Variants in DNAH2 observed in about 807,000 individuals in gnomAD.
The protein encoded by DNAH2 is axonemal beta dynein heavy chain 2.
In DNAH2, 323 loss-of-function variants were observed where a neutral mutation model predicts 523.5. The observed-to-expected ratio is 0.62, with a 90% confidence interval of 0.56 to 0.68. The LOEUF (loss-of-function observed/expected upper bound fraction) is 0.68, where lower values mean the gene tolerates loss of function less well. DNAH2 is among the 30% of genes least tolerant of loss of function. DNAH2 has a pLI of 0.00. For synonymous variants in DNAH2, 2,093 were observed against 2,177.4 expected (o/e 0.96, Z 1.08); for missense variants, 4,907 against 5,701.5 (o/e 0.86, Z 4.49).
At chr17:7,823,654 C>T (rs2077930558) in intron 74 of DNAH2, 26 bp downstream of exon 74, 1 of 1,608,682 alleles carries the variant, frequency 6.2e-7, no homozygotes, top group Admixed American at 1.7e-5. Flanking sequence ...GTCCCACTCT[C>T]ACTTTTCTCC....
chr17:7,751,696 C>T (rs2075687652), intron 12 of DNAH2, among the ~76,000 whole-genome samples: 1 of 152,128 alleles, frequency 6.6e-6, no homozygotes, highest in Non-Finnish European at 1.5e-5. Flanking sequence ...TATTCATGTG[C>T]AGGAACCAAA....
At chr17:7,757,357 T>A (rs2075873169) in intron 13 of DNAH2, 120 bp downstream of exon 13, 5 of 1,277,266 alleles carry the variant, frequency 3.9e-6, no homozygotes, top group Non-Finnish European at 4.2e-6. Flanking sequence ...CTTTTCCATC[T>A]CAAAAAAAAA....
intron 35 of DNAH2, 42 bp downstream of exon 35, chr17:7,778,511 C>G (rs779190120): frequency 6.5e-6 from 10 of 1,538,024 alleles, no homozygotes; most frequent in Non-Finnish European, 8.8e-6. Context: ...CCTTAAATAC[C>G]TTTTCGTCCC....
rs958755272 is a variant in DNAH2, at chr17:7,832,494, A to G, written c.12727-85A>G. 1 of 1,515,574 alleles carries G rather than the reference A, an allele frequency of 6.6e-7. No individual in the cohort carries two copies. The highest frequency in any genetic ancestry group is 8.9e-7 in the Non-Finnish European group (1 of 1,117,642). The allele number at this position is 1,515,574 out of a possible 1,614,324, so 93.9% of individuals were successfully genotyped here. A position where few individuals can be genotyped will look rare whatever the true frequency, so the allele number is the denominator to read the frequency against. On this transcript the variant is annotated intron_variant, in intron 82 of 85. Coordinates refer to ENST00000572933, the MANE Select transcript of DNAH2 (RefSeq NM_020877.5). This position sits in a 1 kb window ranked among gnomAD's most constrained non-coding sequence, Gnocchi z 4.3. Reference sequence around the variant, plus strand: ...ACTGCACTCCAGCCTGGGGGACAAGAGCAAAACTCTGTCTCTAAATAAATA... The same window carrying G: ...ACTGCACTCCAGCCTGGGGGACAAGGGCAAAACTCTGTCTCTAAATAAATA...
intron 30 of DNAH2, 83 bp from the exon 31 acceptor site, chr17:7,775,941 C>A: frequency 6.4e-7 from 1 of 1,562,034 alleles, no homozygotes; most frequent in Non-Finnish European, 8.7e-7. Context: ...CCCTGAAGTG[C>A]TGCTCCATAA....
chr17:7,792,588 G>T, intron 46 of DNAH2, 69 bp from the exon 47 acceptor site: 1 of 1,349,836 alleles, frequency 7.4e-7, no homozygotes, highest in East Asian at 2.4e-5. Context: ...TGACGTAGAG[G>T]GAAAGGAAGT....
At chr17:7,787,508 G>A (rs2076772876) in intron 42 of DNAH2, 3 of 248,474 alleles carry the variant, frequency 1.2e-5, no homozygotes, top group African/African-American at 2.2e-5. Flanking sequence ...GCCAAGGTGG[G>A]CAGATCACTT....
In DNAH2 at chr17:7,776,789, C is replaced by T; in HGVS notation, c.4958C>T (p.Thr1653Ile). 1 of 1,612,510 alleles carries T rather than the reference C, an allele frequency of 6.2e-7. No homozygotes were observed. Among genetic ancestry groups the T allele is most frequent in the Non-Finnish European group, 8.5e-7 (1 of 1,178,944 alleles). The change falls in exon 32 of 86, where the codon ACT becomes ATT. Residue 1653 changes from threonine to isoleucine, a missense_variant. Coordinates refer to ENST00000572933, the MANE Select transcript of DNAH2 (RefSeq NM_020877.5). The part of the protein sequence containing the change: ...VKEWAGQVVI[T>I]ASQIQWTADV... ...TCTGCACATCCCCAGGTGGTGATCACTGCCAGTCAGATCCAGTGGACGGCT... is the reference window on the plus strand; with the variant it reads ...TCTGCACATCCCCAGGTGGTGATCATTGCCAGTCAGATCCAGTGGACGGCT...
At chr17:7,738,984 C>T (rs1031411378) in intron 8 of DNAH2, 1 of 702,766 alleles carries the variant, frequency 1.4e-6, no homozygotes, top group African/African-American at 1.7e-5. Context: ...AGGTTGATGC[C>T]TTTGTGCAGC....
At chr17:7,817,443 A>G (rs2077704309) in intron 65 of DNAH2, 28 bp downstream of exon 65, 2 of 1,613,610 alleles carry the variant, frequency 1.2e-6, no homozygotes, top group Non-Finnish European at 1.7e-6. Flanking sequence ...CATGACAAGT[A>G]GGCTCCGAGA....
chr17:7,777,017 T>G (rs200418269), intron 32 of DNAH2, 128 bp downstream of exon 32: 1 of 711,236 alleles, frequency 1.4e-6, no homozygotes, highest in Non-Finnish European at 2.3e-6. Context: ...AACCCCTTCT[T>G]TACCAAAAAA....
At chr17:7,818,819 C>G in intron 70 of DNAH2, 43 bp downstream of exon 70, 1 of 1,612,388 alleles carries the variant, frequency 6.2e-7, no homozygotes, top group Non-Finnish European at 8.5e-7. Context: ...CGGGTCTACT[C>G]CCAGCCAGCC....
chr17:7,795,384 C>A (rs1473893210), intron 49 of DNAH2, among the ~76,000 whole-genome samples: 2 of 151,938 alleles, frequency 1.3e-5, no homozygotes, highest in Non-Finnish European at 2.9e-5. Context: ...TTTTTAAATA[C>A]TGTGTTGGCC....
In DNAH2 at chr17:7,723,655, A is replaced by T. The variant is rs1485685174; in HGVS notation, c.194A>T (p.Gln65Leu). The T allele has an allele frequency of 6.2e-7, 1 of 1,613,956 alleles. No homozygotes were observed. The highest frequency in any genetic ancestry group is 1.3e-5 in the African/African-American group (1 of 74,918). The part of the protein sequence containing the change: ...PEPRLEGPQA[Q>L]SEESVEPEAD... ...CCACGGTTGGAGGGACCTCAAGCACAGAGTGAAGAATCAGTGGAGCCCGAG... is the reference window on the plus strand; with the variant it reads ...CCACGGTTGGAGGGACCTCAAGCACTGAGTGAAGAATCAGTGGAGCCCGAG... The change falls in exon 3 of 86, where the codon CAG (glutamine) becomes CTG (leucine). Residue 65 changes from glutamine (Q) to leucine (L), a missense_variant. Around this residue, in one of 3 missense-constraint regions of DNAH2, gnomAD observed 2,806 missense variants for 3,190.8 expected, o/e 0.88. Transcript: ENST00000572933.
At chr17:7,764,840 ATTTT>A (rs35687021) in intron 20 of DNAH2, among the ~76,000 whole-genome samples, 1 of 26,272 alleles carries the variant, frequency 3.8e-5, no homozygotes, top group Non-Finnish European at 7.2e-5. Flanking sequence ...CAGCTTTTGG[ATTTT>A]TTTTTTTTTT....
rs747003280 is a variant in DNAH2, at chr17:7,827,665, C to T, written c.11854-2635C>T. Among the ~76,000 whole-genome samples the T allele has an allele frequency of 9.2e-5, 14 of 151,558 alleles. 1 individual carries two copies. The highest frequency in any genetic ancestry group is 2.9e-4 in the African/African-American group (12 of 41,136). On this transcript the variant is annotated intron_variant, in intron 77 of 85. Coordinates refer to ENST00000572933, the MANE Select transcript of DNAH2 (RefSeq NM_020877.5). Reference sequence around the variant, plus strand: ...TTCACCATGTTGACCAGGCTGGTCTCGAACTTCTGACCTCAGGTGATCCAC... The same window carrying T: ...TTCACCATGTTGACCAGGCTGGTCTTGAACTTCTGACCTCAGGTGATCCAC...
rs377378814 is a variant in DNAH2 at position 7,807,597 on chromosome 17, C to G, written c.9729+11C>G. 7.5e-6 allele frequency: 12 copies of G among 1,606,866 alleles called. No individual in the cohort carries two copies. The African/African-American group carries it at 1.3e-4, about 18-fold the overall frequency. On this transcript the variant is annotated intron_variant, in intron 63 of 85. Transcript: ENST00000572933. This position sits in a 1 kb window ranked among gnomAD's most constrained non-coding sequence, Gnocchi z 5.6. ...GAGAAGCTGCGGGAGGTGAGCTGAT[C>G]GCCTGTCCTTTCCACGGAGGTCCCT...
Position 7,792,756 on chromosome 17 carries a change from G to A in DNAH2, c.7245G>A (p.Val2415=), listed in dbSNP as rs2076933998. 1 of 1,614,154 alleles carries A rather than the reference G, an allele frequency of 6.2e-7. No homozygotes were observed. Among genetic ancestry groups the A allele is most frequent in the East Asian group, 2.2e-5 (1 of 44,888 alleles). ...LVANQNPILL[V]GPVGTGKTSI... Reference sequence around the variant, plus strand: ...CCAACCAGAATCCCATTCTGCTGGTGGGTCCCGTGGGGACTGGGAAGACCT... The same window carrying A: ...CCAACCAGAATCCCATTCTGCTGGTAGGTCCCGTGGGGACTGGGAAGACCT... Residue 2415 remains valine, a synonymous_variant, in exon 47 of 86, where the codon GTG becomes GTA. Transcript: ENST00000572933.
At chr17:7,776,920 G>A (rs778277549) in intron 32 of DNAH2, 31 bp downstream of exon 32, 9 of 1,568,266 alleles carry the variant, frequency 5.7e-6, no homozygotes, top group Non-Finnish European at 7.9e-6. Flanking sequence ...GCTCATGCTT[G>A]TAATCCCAGC....
Sources: gnomAD v4.1 joint callset for allele counts (sites outside exome capture counted in the v4.1 genomes callset) on GRCh38, gnomAD v4.1.1 for gene constraint, gnomAD v4.1.1 regional missense constraint, Gnocchi (gnomAD v3.1) non-coding constraint, MANE v1.5 for transcripts, NCBI Gene and HGNC (gene_info 2026-07-23, HGNC 2026-07-21) for gene names.